POLR1A: variants seen among roughly 807,000 people sequenced by gnomAD.
The protein encoded by POLR1A is DNA-directed RNA polymerase I subunit RPA1.
POLR1A carries 84 observed loss-of-function variants against 205.3 expected under a neutral mutation model. That is an observed-to-expected ratio of 0.41 (90% CI 0.34 to 0.49). The LOEUF (loss-of-function observed/expected upper bound fraction) is 0.49, where lower values mean the gene tolerates loss of function less well. Among genes scored for constraint, POLR1A ranks in the 20% least tolerant of loss-of-function variants. The pLI is 0.22. For synonymous variants in POLR1A, 799 were observed against 863.7 expected (o/e 0.93, Z 1.31); for missense variants, 1,645 against 2,204.5 (o/e 0.75, Z 5.08).
chr2:86,089,994 G>A, intron 3 of POLR1A, 65 bp from the exon 4 acceptor site: 1 of 823,264 alleles, frequency 1.2e-6, no homozygotes, highest in South Asian at 1.4e-5. Flanking sequence ...CAGCACAACT[G>A]GGACCAACCT....
chr2:86,047,257 T>G lies in POLR1A; in HGVS notation c.2641A>C (p.Met881Leu). 2 of 1,610,792 alleles carry G rather than the reference T, an allele frequency of 1.2e-6. No homozygotes were observed. The highest frequency in any genetic ancestry group is 1.7e-5 in the Admixed American group (1 of 60,014). Residue 881 changes from methionine (M) to leucine (L), a missense_variant, in exon 19 of 34, where the codon ATG (methionine) becomes CTG (leucine). By Grantham distance (15) the Met-to-Leu change is conservative. This residue lies in a region of POLR1A where 339 missense variants were observed against 415.1 expected (regional missense o/e 0.82). Transcript: ENST00000263857. Reference sequence around the variant, plus strand: ...AACTGTCTGTGTAGGCCAAAAGGCATGCATGCCTGCAGATTAAATCAGCAC... The same window carrying G: ...AACTGTCTGTGTAGGCCAAAAGGCAGGCATGCCTGCAGATTAAATCAGCAC... ...HYSNEINKAC[M>L]PFGLHRQFPE... is the part of the protein sequence containing the mutation.
At chr2:86,090,075 G>C in intron 3 of POLR1A, 146 bp from the exon 4 acceptor site, 1 of 596,020 alleles carries the variant, frequency 1.7e-6, no homozygotes, top group Non-Finnish European at 3.0e-6. Flanking sequence ...ACTTTCAAAA[G>C]AGTGAGACAG....
intron 14 of POLR1A, among the ~76,000 whole-genome samples, chr2:86,062,491 G>T (rs950603901): frequency 6.6e-6 from 1 of 151,744 alleles, no homozygotes; most frequent in African/African-American, 2.4e-5. Context: ...AATCAAAAGG[G>T]AAATTAGAAA....
At chr2:86,060,362 CTTT>C (rs144794187) in intron 14 of POLR1A, among the ~76,000 whole-genome samples, 3 of 149,312 alleles carry the variant, frequency 2.0e-5, no homozygotes, top group Non-Finnish European at 4.5e-5. Flanking sequence ...AGTTGACAGT[CTTT>C]TTTTTTTAAA....
intron 16 of POLR1A, among the ~76,000 whole-genome samples, chr2:86,049,610 G>C (rs920467468): frequency 6.6e-6 from 1 of 152,176 alleles, no homozygotes; most frequent in Admixed American, 6.5e-5. Context: ...GTGAAGAAGA[G>C]GTTTTGGATG....
Position 86,042,999 on chromosome 2 carries a change from T to C in POLR1A, c.3332A>G (p.Asn1111Ser), listed in dbSNP as rs773549641. The C allele has an allele frequency of 2.5e-5, 41 of 1,613,938 alleles. No homozygotes were observed. The highest frequency in any genetic ancestry group is 2.5e-5 in the Non-Finnish European group (29 of 1,179,950). The change falls in exon 23 of 34, where the codon AAT becomes AGT. Residue 1111 changes from asparagine (N) to serine (S), a missense_variant. Transcript: ENST00000263857. Reference protein sequence around the residue: ...KALKLESENRNGRSPGTQEML... With the variant: ...KALKLESENRSGRSPGTQEML... ...CTCCTGAGTCCCAGGGCTGCGGCCATTGCGGTTTTCACTCTCAAGTTTCAG... is the reference window on the plus strand; with the variant it reads ...CTCCTGAGTCCCAGGGCTGCGGCCACTGCGGTTTTCACTCTCAAGTTTCAG...
intron 22 of POLR1A, 120 bp downstream of exon 22, chr2:86,044,019 C>T: frequency 1.1e-6 from 1 of 873,000 alleles, no homozygotes; most frequent in South Asian, 1.6e-5. Context: ...TAAACCCTTC[C>T]CACTCTACTT....
At chr2:86,104,505 T>C (rs1448994145) in intron 1 of POLR1A, among the ~76,000 whole-genome samples, 3 of 145,808 alleles carry the variant, frequency 2.1e-5, no homozygotes, top group Admixed American at 7.1e-5. Context: ...TGGAGTGCAG[T>C]GGCACAATCT....
rs1558784248 is a variant in POLR1A at position 86,088,880 on chromosome 2, T to TA, written c.541-11dup. The TA allele has an allele frequency of 4.4e-6, 7 of 1,600,158 alleles. No homozygotes were observed. The highest frequency in any genetic ancestry group is 1.1e-5 in the South Asian group (1 of 89,636). On this transcript the variant is annotated splice_polypyrimidine_tract_variant and intron_variant, in intron 4 of 33. Coordinates refer to ENST00000263857, the MANE Select transcript of POLR1A (RefSeq NM_015425.6). ...CACACACGTTCTTTACCTGTTTTTT[T>TA]AAAAAAAGTCAGAGAACCTTGGAGT...
chr2:86,029,165 G>C (rs546126205), intron 31 of POLR1A, among the ~76,000 whole-genome samples: 1 of 152,336 alleles, frequency 6.6e-6, no homozygotes, highest in South Asian at 2.1e-4. Flanking sequence ...GTGCGGCTGA[G>C]CTGTCTTGGA....
intron 18 of POLR1A, among the ~76,000 whole-genome samples, chr2:86,047,879 C>G (rs373800787): frequency 6.6e-6 from 1 of 152,276 alleles, no homozygotes; most frequent in East Asian, 1.9e-4. Context: ...AGAGGCAGAG[C>G]CTGGGTGGGC....
At chr2:86,105,365 C>T (rs1673906568) in intron 1 of POLR1A, among the ~76,000 whole-genome samples, 1 of 152,236 alleles carries the variant, frequency 6.6e-6, no homozygotes, top group East Asian at 1.9e-4. Flanking sequence ...TTACTACGTG[C>T]CTAATTAACC....
At chr2:86,036,243 A>T (rs1402611110) in intron 27 of POLR1A, among the ~76,000 whole-genome samples, 1 of 152,148 alleles carries the variant, frequency 6.6e-6, no homozygotes, top group African/African-American at 2.4e-5. Context: ...ATGGCTGGGG[A>T]CCGGAGGCCA....
At chr2:86,030,792 G>GTT (rs769848950) in intron 30 of POLR1A, among the ~76,000 whole-genome samples, 1 of 152,178 alleles carries the variant, frequency 6.6e-6, no homozygotes, top group Non-Finnish European at 1.5e-5. Context: ...AAGACAAAGC[G>GTT]TAAGTGTGTG....
chr2:86,078,150 G>T lies in POLR1A; in HGVS notation c.1221C>A (p.Asp407Glu). ...CTGGGTACTTGTCCATCATTAGTTT[G>T]TCCATCTCGCTATCAAACACAATAT... ...HVNIVFDSEM[D>E]KLMMDKYPGI... The change falls in exon 10 of 34, where the codon GAC becomes GAA. Residue 407 changes from aspartate to glutamate, a missense_variant. Asp to Glu is a conservative substitution (Grantham distance 45, BLOSUM62 2). Around this residue, in one of 16 missense-constraint regions of POLR1A, gnomAD observed 131 missense variants for 214.5 expected, o/e 0.61. Coordinates refer to ENST00000263857, the MANE Select transcript of POLR1A (RefSeq NM_015425.6). 6.2e-7 allele frequency: 1 copy of T among 1,612,912 alleles called. No individual in the cohort carries two copies. The highest frequency in any genetic ancestry group is 8.5e-7 in the Non-Finnish European group (1 of 1,179,782).
intron 1 of POLR1A, among the ~76,000 whole-genome samples, chr2:86,104,550 C>T (rs188502477): frequency 6.6e-6 from 1 of 150,868 alleles, no homozygotes; most frequent in Non-Finnish European, 1.5e-5. Context: ...TGGGTTCAAG[C>T]GATTCTCCTG....
Position 86,032,375 on chromosome 2 carries a change from T to C in POLR1A, c.4169A>G (p.Gln1390Arg), listed in dbSNP as rs760698943. ...CCCCTCCTCTTCCTCATCACCCTCC[T>C]GCTCTCCCTGTGGTTTGTGGGCAAG... is the stretch of plus-strand genomic sequence containing the variant. ...AGELGRSRGE[Q>R]EGDEEEEGHI... Residue 1390 changes from glutamine to arginine, a missense_variant, in exon 29 of 34, where the codon CAG becomes CGG. By Grantham distance (43) the Gln-to-Arg change is conservative (BLOSUM62 1). This residue lies in a region of POLR1A where 394 missense variants were observed against 468.5 expected (regional missense o/e 0.84). Transcript: ENST00000263857. 1 of 1,610,314 alleles carries C rather than the reference T, an allele frequency of 6.2e-7. No homozygotes were observed.
At chr2:86,029,362 GC>G in intron 31 of POLR1A, among the ~76,000 whole-genome samples, 1 of 152,156 alleles carries the variant, frequency 6.6e-6, no homozygotes, top group East Asian at 1.9e-4. Flanking sequence ...AGGCTAGAGG[GC>G]CCCAGTTCCT....
chr2:86,030,756 G>A (rs1276131371), intron 30 of POLR1A, among the ~76,000 whole-genome samples: 1 of 152,156 alleles, frequency 6.6e-6, no homozygotes, highest in Non-Finnish European at 1.5e-5. Flanking sequence ...CCCATCACTT[G>A]GGAACCACTG....
Sources: allele counts gnomAD v4.1 joint callset (sites outside exome capture counted in the v4.1 genomes callset), GRCh38; gene constraint gnomAD v4.1.1; regional missense constraint gnomAD v4.1.1; transcripts MANE v1.5; gene names NCBI Gene and HGNC (gene_info 2026-07-23, HGNC 2026-07-21).